Variants in KCNIP4 observed in about 807,000 individuals in gnomAD.
The protein encoded by KCNIP4 is Kv channel-interacting protein 4.
KCNIP4 carries 12 observed loss-of-function variants against 34.0 expected under a neutral mutation model. That is an observed-to-expected ratio of 0.35 (90% confidence interval 0.23 to 0.57). KCNIP4 has a LOEUF of 0.57. KCNIP4 is among the 20% of genes least tolerant of loss of function. The pLI, the probability that KCNIP4 is intolerant of heterozygous loss-of-function variation, is 0.83. For synonymous variants in KCNIP4, 124 were observed against 102.2 expected, an observed-to-expected ratio of 1.21 and a Z score of -1.29; for missense variants, 238 against 311.7, an observed-to-expected ratio of 0.76 and a Z score of 1.78.
chr4:21,469,918 A>G (rs776044940), intron 1 of KCNIP4, among the ~76,000 whole-genome samples: 25 of 152,176 alleles, frequency 1.6e-4, no homozygotes, highest in Non-Finnish European at 2.9e-4. Flanking sequence ...AATAGCCAGA[A>G]TTTTATGTTT....
chr4:21,075,461 T>C (rs997381847), intron 1 of KCNIP4, among the ~76,000 whole-genome samples: 12 of 152,026 alleles, frequency 7.9e-5, no homozygotes, highest in Non-Finnish European at 1.2e-4. Context: ...GGATTGCAAC[T>C]CCTGCCTTTT....
chr4:21,249,536 G>T (rs1336878363), intron 1 of KCNIP4, among the ~76,000 whole-genome samples: 1 of 151,838 alleles, frequency 6.6e-6, no homozygotes, highest in Non-Finnish European at 1.5e-5. Context: ...CGTTGATCTT[G>T]GTGGAAAGAA....
chr4:20,737,553 G>T (rs950509059), intron 5 of KCNIP4, among the ~76,000 whole-genome samples: 1 of 152,162 alleles, frequency 6.6e-6, no homozygotes, highest in African/African-American at 2.4e-5. Flanking sequence ...TGGTGTGGAT[G>T]CCAGCAGCTG....
At chr4:21,900,182 A>G (rs1727627930) in intron 1 of KCNIP4, among the ~76,000 whole-genome samples, 1 of 152,218 alleles carries the variant, frequency 6.6e-6, no homozygotes, top group Non-Finnish European at 1.5e-5. Flanking sequence ...AAAAGTTTTC[A>G]TTGTTTCTGT....
chr4:21,300,615 G>T (rs1461578970), intron 1 of KCNIP4, among the ~76,000 whole-genome samples: 1 of 152,096 alleles, frequency 6.6e-6, no homozygotes, highest in African/African-American at 2.4e-5. Context: ...TCATGAGGAT[G>T]CCTGAAACAG....
intron 3 of KCNIP4, among the ~76,000 whole-genome samples, chr4:20,847,687 T>C (rs760940493): frequency 5.3e-5 from 8 of 152,074 alleles, no homozygotes; most frequent in Non-Finnish European, 1.2e-4. Context: ...ATGTTGAAAA[T>C]GCTAGGGGAT....
intron 2 of KCNIP4, among the ~76,000 whole-genome samples, chr4:20,872,186 C>G (rs188507071): frequency 6.6e-6 from 1 of 152,102 alleles, no homozygotes; most frequent in Non-Finnish European, 1.5e-5. Context: ...ATATGTCCAC[C>G]TCTAAGCAGA....
intron 1 of KCNIP4, among the ~76,000 whole-genome samples, chr4:20,891,041 A>G (rs895053469): frequency 6.6e-6 from 1 of 152,210 alleles, no homozygotes; most frequent in Non-Finnish European, 1.5e-5. Context: ...GACAGTGGCA[A>G]TGAAAGTGGT....
Position 21,118,118 on chromosome 4 carries a change from G to T in KCNIP4, c.62-235409C>A, listed in dbSNP as rs147728333. On this transcript the variant is annotated intron_variant, in intron 1 of 8. Transcript: ENST00000382152. ...TGTTTGTGTGTCTATGCGTGATTCAGTCTGATCATGCTGAGGTTTGTGAAC... is the reference window on the plus strand; with the variant it reads ...TGTTTGTGTGTCTATGCGTGATTCATTCTGATCATGCTGAGGTTTGTGAAC... Among the ~76,000 whole-genome samples, 12 of 152,208 alleles carry T rather than the reference G, an allele frequency of 7.9e-5. No individual in the cohort carries two copies. The East Asian group carries it at 2.3e-3, about 29-fold the overall frequency.
At chr4:21,626,719 C>T (rs1328222533) in intron 1 of KCNIP4, among the ~76,000 whole-genome samples, 1 of 152,048 alleles carries the variant, frequency 6.6e-6, no homozygotes, top group Non-Finnish European at 1.5e-5. Context: ...TTTCTTGAGT[C>T]CCCAAGATGT....
At chr4:21,831,952 A>G (rs1723014809) in intron 1 of KCNIP4, among the ~76,000 whole-genome samples, 1 of 152,032 alleles carries the variant, frequency 6.6e-6, no homozygotes, top group Admixed American at 6.6e-5. Flanking sequence ...AAGATCATAT[A>G]CCAGAAATCC....
chr4:21,466,345 A>G (rs1729937044), intron 1 of KCNIP4, among the ~76,000 whole-genome samples: 1 of 152,182 alleles, frequency 6.6e-6, no homozygotes, highest in South Asian at 2.1e-4. Flanking sequence ...CTCAATGCTG[A>G]CCAAGATGGC....
At chr4:21,233,932 T>G in intron 1 of KCNIP4, among the ~76,000 whole-genome samples, 1 of 139,722 alleles carries the variant, frequency 7.2e-6, no homozygotes, top group Non-Finnish European at 1.5e-5. Context: ...TGTAATTATA[T>G]TATATAAATA....
intron 1 of KCNIP4, among the ~76,000 whole-genome samples, chr4:21,071,109 T>G (rs1744874227): frequency 6.6e-6 from 1 of 152,172 alleles, no homozygotes; most frequent in East Asian, 1.9e-4. Context: ...GGTTGTTTAA[T>G]TTTGATGAAA....
intron 1 of KCNIP4, among the ~76,000 whole-genome samples, chr4:20,952,352 G>A (rs1201659047): frequency 6.6e-6 from 1 of 152,044 alleles, no homozygotes; most frequent in Admixed American, 6.6e-5. Flanking sequence ...TCCAGATTTA[G>A]AATGACATGT....
chr4:20,789,126 C>T (rs1712390332), intron 3 of KCNIP4, among the ~76,000 whole-genome samples: 1 of 151,906 alleles, frequency 6.6e-6, no homozygotes. Context: ...ATGCTATTGC[C>T]CAGAGTGGAA....
chr4:20,738,921 C>T (rs556529225), intron 5 of KCNIP4, among the ~76,000 whole-genome samples: 33 of 152,292 alleles, frequency 2.2e-4, no homozygotes, highest in Middle Eastern at 3.4e-3. Flanking sequence ...TCTTAGCAAA[C>T]GGCACACCAG....
chr4:21,364,567 T>C (rs1276653150), intron 1 of KCNIP4, among the ~76,000 whole-genome samples: 4 of 152,110 alleles, frequency 2.6e-5, no homozygotes, highest in Non-Finnish European at 2.9e-5. Flanking sequence ...TAGGATAGTA[T>C]CTCATGATAA....
At chr4:20,740,248 C>T (rs1006039558) in intron 5 of KCNIP4, among the ~76,000 whole-genome samples, 6 of 152,132 alleles carry the variant, frequency 3.9e-5, no homozygotes, top group Non-Finnish European at 7.3e-5. Context: ...CACCAAGATA[C>T]TCCTTAAGAG....
Sources: gnomAD v4.1 joint callset for allele counts (sites outside exome capture counted in the v4.1 genomes callset) on GRCh38, gnomAD v4.1.1 for gene constraint, MANE v1.5 for transcripts, NCBI Gene and HGNC (gene_info 2026-07-23, HGNC 2026-07-21) for gene names.